CHD7: variants seen among roughly 807,000 people sequenced by gnomAD.
The protein encoded by CHD7 is ATP-dependent chromatin remodeler CHD7.
Under a neutral mutation model 307.3 loss-of-function variants are expected in CHD7, and 24 were observed. That is an observed-to-expected ratio of 0.08 (90% CI 0.06 to 0.11). The LOEUF (loss-of-function observed/expected upper bound fraction) is 0.11. CHD7 is among the 10% of genes least tolerant of loss of function. CHD7 has a pLI of 1.00. For synonymous variants in CHD7, 1,363 were observed against 1,349.9 expected (o/e 1.01, Z -0.21); for missense variants, 3,106 against 3,727.1 (o/e 0.83, Z 4.34).
intron 3 of CHD7, among the ~76,000 whole-genome samples, chr8:60,788,001 T>C (rs1811582739): frequency 6.6e-6 from 1 of 151,970 alleles, no homozygotes; most frequent in African/African-American, 2.4e-5. Context: ...TTTGTGTTTT[T>C]AGTAGAGTTG....
chr8:60,724,418 A>G (rs1200572409), intron 1 of CHD7, among the ~76,000 whole-genome samples: 1 of 152,218 alleles, frequency 6.6e-6, no homozygotes, highest in Non-Finnish European at 1.5e-5. Context: ...AGGGAGAACA[A>G]CTGACATTTG....
Position 60,741,788 on chromosome 8 carries a change from G to A in CHD7, c.356G>A (p.Gly119Asp). 6.2e-7 allele frequency: 1 copy of A among 1,613,962 alleles called. No homozygotes were observed. The highest frequency in any genetic ancestry group is 8.5e-7 in the Non-Finnish European group (1 of 1,179,872). Residue 119 changes from glycine (G) to aspartate (D), a missense_variant, in exon 2 of 38, where the codon GGT becomes GAT. Around this residue, in one of 10 missense-constraint regions of CHD7, gnomAD observed 998 missense variants for 1,004.5 expected, o/e 0.99. Transcript: ENST00000423902. ...PVPQVPHGGS[G>D]GGQMGVYPGM... Reference sequence around the variant, plus strand: ...CCTCAGGTGCCCCATGGTGGCAGTGGTGGCGGTCAGATGGGTGTCTACCCT... The same window carrying A: ...CCTCAGGTGCCCCATGGTGGCAGTGATGGCGGTCAGATGGGTGTCTACCCT...
intron 7 of CHD7, among the ~76,000 whole-genome samples, chr8:60,809,869 C>T (rs948800929): frequency 5.9e-5 from 9 of 151,880 alleles, no homozygotes; most frequent in African/African-American, 2.2e-4. Flanking sequence ...GTGTATCTTC[C>T]GGAAAGATAC....
In CHD7 at chr8:60,800,408, G is replaced by A. The variant is rs1812245959; in HGVS notation, c.2259G>A (p.Gln753=). The A allele has an allele frequency of 6.2e-7, 1 of 1,613,610 alleles. No individual in the cohort carries two copies. Among genetic ancestry groups the A allele is most frequent in the Non-Finnish European group, 8.5e-7 (1 of 1,179,730 alleles). ...PGVQKRRSSR[Q]VKRKRYTEDL... ...TTTAGAAGAGACGGTCCAGCAGACA[G>A]GTGAAGAGAAAGCGCTACACTGAAG... The change falls in exon 5 of 38, where the codon CAG becomes CAA. Residue 753 remains glutamine (Q), a synonymous_variant. Transcript: ENST00000423902.
intron 1 of CHD7, among the ~76,000 whole-genome samples, chr8:60,703,476 C>G (rs1806868920): frequency 6.6e-6 from 1 of 152,134 alleles, no homozygotes; most frequent in Non-Finnish European, 1.5e-5. Flanking sequence ...GAAAACAAAA[C>G]AAAAACAGAA....
rs547401599 is a variant in CHD7, at chr8:60,755,270, A to G, written c.1665+12173A>G. ...ATAAGAAGGCAGTTCACATTTTTTC[A>G]AATAAGTAAGGAAGGTTTACATTTT... On this transcript the variant is annotated intron_variant, in intron 2 of 37. Coordinates refer to ENST00000423902, the MANE Select transcript of CHD7 (RefSeq NM_017780.4). Among the ~76,000 whole-genome samples, 3 of 152,264 alleles carry G rather than the reference A, an allele frequency of 2.0e-5. No individual in the cohort carries two copies. The South Asian group carries it at 6.2e-4, about 32-fold the overall frequency.
rs1806238993 is a variant in CHD7, at chr8:60,866,236, A to G, written c.*303A>G. ...CTCTTGGTACCATTGGTATTATAAT[A>G]AAGAGCAATTTGTAACTGAGTGGCA... On this transcript the variant is annotated 3_prime_UTR_variant, in exon 38 of 38. Transcript: ENST00000423902. The G allele has an allele frequency of 4.7e-6, 1 of 214,758 alleles. No individual in the cohort carries two copies. The highest frequency in any genetic ancestry group is 2.3e-5 in the African/African-American group (1 of 43,620). 13.3% of individuals were successfully genotyped at this position (214,758 alleles called of 1,614,324 possible). A position where few individuals can be genotyped will look rare whatever the true frequency, so the allele number is the denominator to read the frequency against.
intron 1 of CHD7, among the ~76,000 whole-genome samples, chr8:60,693,017 G>T (rs1806279577): frequency 6.6e-6 from 1 of 152,224 alleles, no homozygotes; most frequent in African/African-American, 2.4e-5. Context: ...TGAAACAAAA[G>T]TGTGAAACTT....
chr8:60,756,140 A>G (rs1809878629), intron 2 of CHD7, among the ~76,000 whole-genome samples: 1 of 152,262 alleles, frequency 6.6e-6, no homozygotes, highest in Admixed American at 6.5e-5. Context: ...CACAAGCCAA[A>G]TTATTTCAAG....
intron 1 of CHD7, among the ~76,000 whole-genome samples, chr8:60,729,781 C>T (rs546036783): frequency 6.6e-6 from 1 of 152,302 alleles, no homozygotes; most frequent in Admixed American, 6.5e-5. Context: ...ACTGCACTTA[C>T]TTTTTCTTAT....
intron 3 of CHD7, among the ~76,000 whole-genome samples, chr8:60,794,570 A>G (rs1250659582): frequency 6.6e-6 from 1 of 152,214 alleles, no homozygotes; most frequent in Non-Finnish European, 1.5e-5. Flanking sequence ...GGTCAAAAGA[A>G]TACTTAAGTA....
chr8:60,860,861 C>G lies in CHD7; in HGVS notation c.7609-43C>G. 3.5e-6 allele frequency: 5 copies of G among 1,440,570 alleles called. No homozygotes were observed. The South Asian group carries it at 6.2e-5, about 18-fold the overall frequency. 89.2% of individuals were successfully genotyped at this position (1,440,570 alleles called of 1,614,324 possible). On this transcript the variant is annotated intron_variant, in intron 34 of 37. Coordinates refer to ENST00000423902, the MANE Select transcript of CHD7 (RefSeq NM_017780.4). ...TTGAAATAGGACATTGTCAGAGGCT[C>G]TCTCTTCGTGTGAGAATTCATACCA...
At chr8:60,816,228 T>C (rs1803740841) in intron 7 of CHD7, among the ~76,000 whole-genome samples, 159 bp from the exon 8 acceptor site, 1 of 152,268 alleles carries the variant, frequency 6.6e-6, no homozygotes, top group Non-Finnish European at 1.5e-5. Context: ...TCTCTTCTTA[T>C]TCTAAACAGT....
chr8:60,721,584 C>T (rs186384617), intron 1 of CHD7, among the ~76,000 whole-genome samples: 2 of 152,284 alleles, frequency 1.3e-5, no homozygotes, highest in East Asian at 1.9e-4. Context: ...GTGGTTTGTG[C>T]ATCAAAATGC....
intron 1 of CHD7, among the ~76,000 whole-genome samples, chr8:60,680,911 T>C (rs1397607193): frequency 6.6e-6 from 1 of 152,256 alleles, no homozygotes; most frequent in African/African-American, 2.4e-5. Flanking sequence ...ATTTCTGGAA[T>C]ACATTACATG....
chr8:60,749,612 A>AT (rs398112517), intron 2 of CHD7, among the ~76,000 whole-genome samples: 1 of 151,724 alleles, frequency 6.6e-6, no homozygotes, highest in Non-Finnish European at 1.5e-5. Context: ...CTAAAAAAAA[A>AT]TCAGCTTTTA....
At position 60,865,599 on chromosome 8, in the gene CHD7, C is replaced by T. The variant is rs754307009; in HGVS notation, c.8660C>T (p.Pro2887Leu). Residue 2887 changes from proline (P) to leucine (L), a missense_variant, in exon 38 of 38, where the codon CCG becomes CTG. Physicochemically the swap from Pro to Leu is moderately conservative, Grantham distance 98 (BLOSUM62 -3). This residue lies in a region of CHD7 where 351 missense variants were observed against 366.2 expected (regional missense o/e 0.96). Coordinates refer to ENST00000423902, the MANE Select transcript of CHD7 (RefSeq NM_017780.4). The surrounding 1 kb of genome is among the most constrained non-coding windows in gnomAD (Gnocchi z 4.3). ...GCCCCGGCTGGATTGCCCTCAAACCCGCTAGCCTTCAACCCTTTCCTCCTG... is the reference window on the plus strand; with the variant it reads ...GCCCCGGCTGGATTGCCCTCAAACCTGCTAGCCTTCAACCCTTTCCTCCTG... Reference protein sequence around the residue: ...ATAPAGLPSNPLAFNPFLLST... With the variant: ...ATAPAGLPSNLLAFNPFLLST... 17 of 1,613,874 alleles carry T rather than the reference C, an allele frequency of 1.1e-5. No homozygotes were observed. The highest frequency in any genetic ancestry group is 3.3e-5 in the South Asian group (3 of 91,094).
Position 60,862,714 on chromosome 8 carries a change from T to G in CHD7, c.8076+62T>G, listed in dbSNP as rs755091110. 4 of 1,133,868 alleles carry G rather than the reference T, an allele frequency of 3.5e-6. No homozygotes were observed. The East Asian group carries it at 7.7e-5, about 22-fold the overall frequency. 70.2% of individuals were successfully genotyped at this position (1,133,868 alleles called of 1,614,324 possible). A position where few individuals can be genotyped will look rare whatever the true frequency, so the allele number is the denominator to read the frequency against. ...TATACAAAACTGTTTTCCTTAGTCT[T>G]TCTTATTTTCTGTTGGCCATTAATT... On this transcript the variant is annotated intron_variant, in intron 37 of 37. Transcript: ENST00000423902.
chr8:60,679,557 G>A (rs932313638), intron 1 of CHD7: 7 of 148,128 alleles, frequency 4.7e-5, no homozygotes, highest in African/African-American at 1.5e-4. Flanking sequence ...AAAGGAAGGA[G>A]GAAAAGTTGG....
Sources: gnomAD v4.1 joint callset for allele counts (sites outside exome capture counted in the v4.1 genomes callset) on GRCh38, gnomAD v4.1.1 for gene constraint, gnomAD v4.1.1 regional missense constraint, Gnocchi (gnomAD v3.1) non-coding constraint, MANE v1.5 for transcripts, NCBI Gene and HGNC (gene_info 2026-07-23, HGNC 2026-07-21) for gene names.